Variants in MRAP2 observed in about 807,000 individuals in gnomAD.
MRAP2 encodes melanocortin 2 receptor accessory protein 2.
In MRAP2, 20 loss-of-function variants were observed where a neutral mutation model predicts 17.4. The ratio of observed to expected loss-of-function variants is 1.15; its 90% CI spans 0.81 to 1.67. The LOEUF is 1.67. Ranked by LOEUF, MRAP2 falls within the 40% of genes most tolerant of loss-of-function variation. The pLI is 0.00. For missense variants in MRAP2, 238 were observed against 240.0 expected (o/e 0.99, Z 0.05); for synonymous variants, 96 against 88.4 (o/e 1.09, Z -0.48).
the MRAP2 span, among the ~76,000 whole-genome samples, chr6:84,120,258 G>C: frequency 6.6e-6 from 1 of 152,184 alleles, no homozygotes; most frequent in Non-Finnish European, 1.5e-5. Context: ...CATTGTGTGA[G>C]GATGGATCTT....
chr6:84,036,771 T>C (rs1341066167), intron 1 of MRAP2, among the ~76,000 whole-genome samples: 1 of 152,208 alleles, frequency 6.6e-6, no homozygotes, highest in Non-Finnish European at 1.5e-5. Flanking sequence ...AACTGATTGG[T>C]CTGTTTCACA....
At chr6:84,129,546 T>C in the MRAP2 span, among the ~76,000 whole-genome samples, 2 of 152,222 alleles carry the variant, frequency 1.3e-5, no homozygotes, top group African/African-American at 4.8e-5. Flanking sequence ...TTTTTTCTTG[T>C]AAATTTGTTT....
At chr6:84,121,334 A>G in the MRAP2 span, among the ~76,000 whole-genome samples, 151 of 152,232 alleles carry the variant, frequency 9.9e-4, 1 homozygote, top group Non-Finnish European at 1.7e-3. Context: ...ATCAATACCA[A>G]AAGGAACTCT....
the MRAP2 span, among the ~76,000 whole-genome samples, chr6:84,097,892 A>G: frequency 2.0e-4 from 30 of 152,342 alleles, no homozygotes; most frequent in Admixed American, 1.9e-3. Context: ...ATAGGGCTAG[A>G]GGCTGATTAT....
At position 84,090,378 on chromosome 6, in the gene MRAP2, T is replaced by C. The variant is rs2129177222; in HGVS notation, c.*897T>C. ...GTGGGTTGTGCTGAAACAGCTCTTC[T>C]GAGAACTTCCAACCACCCATGCTCT... On this transcript the variant is annotated 3_prime_UTR_variant, in exon 4 of 4. Coordinates refer to ENST00000257776, the MANE Select transcript of MRAP2 (RefSeq NM_138409.4). 6.6e-6 allele frequency: 1 copy of C among 152,310 alleles called. No individual in the cohort carries two copies. Among genetic ancestry groups the C allele is most frequent in the East Asian group, 1.9e-4 (1 of 5,166 alleles). The allele number at this position is 152,310 out of a possible 1,614,324, so 9.4% of individuals were successfully genotyped here.
At chr6:84,124,427 C>T in the MRAP2 span, 1 of 152,220 alleles carries the variant, frequency 6.6e-6, no homozygotes, top group South Asian at 2.1e-4. Context: ...TTTGCAGCAA[C>T]ATGGATAGAG....
intron 1 of MRAP2, among the ~76,000 whole-genome samples, chr6:84,037,600 C>T (rs911868975): frequency 6.6e-5 from 10 of 151,956 alleles, no homozygotes; most frequent in African/African-American, 1.9e-4. Context: ...TCTGGCATGG[C>T]GGGCTGCAGG....
chr6:84,104,167 G>A, the MRAP2 span, among the ~76,000 whole-genome samples: 1 of 151,732 alleles, frequency 6.6e-6, no homozygotes, highest in African/African-American at 2.4e-5. Context: ...TGAATCCTCT[G>A]AAGCCACAGG....
chr6:84,092,203 C>G (rs192342361), downstream of MRAP2, among the ~76,000 whole-genome samples: 23 of 152,314 alleles, frequency 1.5e-4, no homozygotes, highest in Admixed American at 9.2e-4. Context: ...ATCTCCCCAT[C>G]TTGAGATCCT....
intron 1 of MRAP2, among the ~76,000 whole-genome samples, chr6:84,052,527 C>G (rs2099490700): frequency 6.6e-6 from 1 of 152,146 alleles, no homozygotes; most frequent in Non-Finnish European, 1.5e-5. Flanking sequence ...CATCTGATGG[C>G]CTAAGCTGAT....
the MRAP2 span, among the ~76,000 whole-genome samples, chr6:84,143,638 G>C: frequency 6.6e-6 from 1 of 151,838 alleles, no homozygotes; most frequent in East Asian, 1.9e-4. Flanking sequence ...GAGAGAAAGA[G>C]AAAGTGAGAA....
chr6:84,038,172 G>T (rs2099486652), intron 1 of MRAP2, among the ~76,000 whole-genome samples: 1 of 152,218 alleles, frequency 6.6e-6, no homozygotes, highest in African/African-American at 2.4e-5. Flanking sequence ...AAGGGCGAGG[G>T]CCCCTGGCAG....
the MRAP2 span, among the ~76,000 whole-genome samples, chr6:84,139,241 T>C: frequency 6.6e-6 from 1 of 152,112 alleles, no homozygotes; most frequent in African/African-American, 2.4e-5. Context: ...ACTCCATGAG[T>C]TTCCTACCAT....
chr6:84,099,484 G>C, the MRAP2 span, among the ~76,000 whole-genome samples: 2 of 152,172 alleles, frequency 1.3e-5, no homozygotes, highest in Admixed American at 6.5e-5. Context: ...CGATGTTGGA[G>C]TTGGGCCTAG....
At chr6:84,103,157 T>C in the MRAP2 span, among the ~76,000 whole-genome samples, 1 of 152,156 alleles carries the variant, frequency 6.6e-6, no homozygotes, top group Non-Finnish European at 1.5e-5. Flanking sequence ...TGAGGACAGA[T>C]TCTGGCAGAA....
the MRAP2 span, among the ~76,000 whole-genome samples, chr6:84,108,411 G>T: frequency 6.6e-6 from 1 of 151,498 alleles, no homozygotes. Context: ...GTTTTGATAT[G>T]CATTTCTCTA....
intron 1 of MRAP2, among the ~76,000 whole-genome samples, chr6:84,036,639 G>A (rs1447408470): frequency 6.6e-6 from 1 of 152,158 alleles, no homozygotes; most frequent in African/African-American, 2.4e-5. Context: ...AAGAGGGAAA[G>A]ACCAAAGCTT....
At chr6:84,091,104 C>T (rs562979266), downstream of MRAP2, among the ~76,000 whole-genome samples, 3 of 152,124 alleles carry the variant, frequency 2.0e-5, no homozygotes, top group South Asian at 4.2e-4. Flanking sequence ...TTCTTTAAGA[C>T]TCTAAATAGT....
chr6:84,117,115 G>A, the MRAP2 span, among the ~76,000 whole-genome samples: 6 of 151,762 alleles, frequency 4.0e-5, no homozygotes, highest in South Asian at 2.1e-4. Flanking sequence ...CTCTGATACC[G>A]AGGTTCAAGT....
Sources: allele counts gnomAD v4.1 joint callset (sites outside exome capture counted in the v4.1 genomes callset), GRCh38; gene constraint gnomAD v4.1.1; transcripts MANE v1.5; gene names NCBI Gene and HGNC (gene_info 2026-07-23, HGNC 2026-07-21).